ANKRD52: variants seen among roughly 807,000 people sequenced by gnomAD.
The protein encoded by ANKRD52 is ankyrin repeat domain 52, also known as serine/threonine-protein phosphatase 6 regulatory ankyrin repeat subunit C.
ANKRD52 carries 7 observed loss-of-function variants against 116.0 expected under a neutral mutation model. That is an observed-to-expected ratio of 0.06 (90% CI 0.03 to 0.11). The LOEUF is 0.11. ANKRD52 is among the 10% of genes least tolerant of loss of function. The pLI, the probability that ANKRD52 is intolerant of heterozygous loss-of-function variation, is 1.00. For synonymous variants in ANKRD52, 528 were observed against 578.1 expected (o/e 0.91, Z 1.24); for missense variants, 839 against 1,408.6 (o/e 0.60, Z 6.47).
At position 56,247,486 on chromosome 12, in the gene ANKRD52, C is replaced by A; in HGVS notation, c.2184+7G>T. The A allele has an allele frequency of 6.4e-7, 1 of 1,563,470 alleles. No homozygotes were observed. The highest frequency in any genetic ancestry group is 2.4e-5 in the East Asian group (1 of 42,294). On this transcript the variant is annotated splice_region_variant and intron_variant, in intron 20 of 27. Coordinates refer to ENST00000267116, the MANE Select transcript of ANKRD52 (RefSeq NM_173595.4). ...GTGCAAACAATCCCCCCTAGAAGCT[C>A]ACTCACCCCGCGGTGGAGGGCAGTG...
At chr12:56,257,207 A>G (rs1565613339) in intron 3 of ANKRD52, 76 bp downstream of exon 3, 9 of 1,540,546 alleles carry the variant, frequency 5.8e-6, no homozygotes, top group Non-Finnish European at 7.9e-6. Flanking sequence ...GGGGAGAGCA[A>G]TCCTTGAATA....
In ANKRD52 at chr12:56,252,160, G is replaced by A; in HGVS notation, c.1511+15C>T. The A allele has an allele frequency of 6.2e-7, 1 of 1,614,002 alleles. No homozygotes were observed. The highest frequency in any genetic ancestry group is 8.5e-7 in the Non-Finnish European group (1 of 1,179,872). ...AGGTGAATGGGGCTGAGAAGGACCA[G>A]ACTGGTAGCCTCACCTCCTGTAAGT... On this transcript the variant is annotated intron_variant, in intron 14 of 27. Coordinates refer to ENST00000267116, the MANE Select transcript of ANKRD52 (RefSeq NM_173595.4). The surrounding 1 kb of genome is among the most constrained non-coding windows in gnomAD (Gnocchi z 4.7).
In ANKRD52 at chr12:56,257,322, C is replaced by T. The variant is rs780784772; in HGVS notation, c.151G>A (p.Val51Ile). Reference sequence around the variant, plus strand: ...AACTGGAGGATGGGGACATCGCCTACGTAGGCAGCAGCATGCAATGGAGTT... The same window carrying T: ...AACTGGAGGATGGGGACATCGCCTATGTAGGCAGCAGCATGCAATGGAGTT... Reference protein sequence around the residue: ...RRTPLHAAAYVGDVPILQLLL... With the variant: ...RRTPLHAAAYIGDVPILQLLL... The change falls in exon 3 of 28, where the codon GTA (valine) becomes ATA (isoleucine). Residue 51 changes from valine to isoleucine, a missense_variant. By Grantham distance (29) the Val-to-Ile change is conservative (BLOSUM62 3). Transcript: ENST00000267116. 5 of 1,597,604 alleles carry T rather than the reference C, an allele frequency of 3.1e-6. No homozygotes were observed. The African/African-American group carries it at 4.0e-5, about 13-fold the overall frequency.
rs542003329 is a variant in ANKRD52 at position 56,255,751 on chromosome 12, C to T, written c.462+33G>A. On this transcript the variant is annotated intron_variant, in intron 5 of 27. Transcript: ENST00000267116. The surrounding 1 kb of genome is among the most constrained non-coding windows in gnomAD (Gnocchi z 4.3). Reference sequence around the variant, plus strand: ...AGTAGGAAGGTAAGAAAAGGGAAAGCCCCAGCTGGGCCTGGATGGGAACAG... The same window carrying T: ...AGTAGGAAGGTAAGAAAAGGGAAAGTCCCAGCTGGGCCTGGATGGGAACAG... The T allele has an allele frequency of 3.3e-6, 5 of 1,526,178 alleles. No individual in the cohort carries two copies. In the East Asian group the frequency reaches 1.2e-4, roughly 38 times the overall value. 94.5% of individuals were successfully genotyped at this position (1,526,178 alleles called of 1,614,324 possible).
At chr12:56,251,637 C>T (rs925181777) in intron 15 of ANKRD52, among the ~76,000 whole-genome samples, 1 of 149,374 alleles carries the variant, frequency 6.7e-6, no homozygotes, top group East Asian at 2.0e-4. Context: ...TTATTTTGTA[C>T]ATTTAGCTTT....
rs921979337 is a variant in ANKRD52, at chr12:56,241,410, C to A, written c.*1732G>T. ...TTGGGGAGGGAGGGGGTCCCTGGGA[C>A]GCCCCCCTCCCCTCAGCCCACCCTT... On this transcript the variant is annotated 3_prime_UTR_variant, in exon 28 of 28. Coordinates refer to ENST00000267116, the MANE Select transcript of ANKRD52 (RefSeq NM_173595.4). The A allele has an allele frequency of 2.0e-5, 3 of 151,780 alleles. No individual in the cohort carries two copies. Among genetic ancestry groups the A allele is most frequent in the Non-Finnish European group, 4.4e-5 (3 of 67,894 alleles). 9.4% of individuals were successfully genotyped at this position (151,780 alleles called of 1,614,324 possible).
At chr12:56,256,497 C>G (rs1372134815) in intron 4 of ANKRD52, among the ~76,000 whole-genome samples, 1 of 152,194 alleles carries the variant, frequency 6.6e-6, no homozygotes, top group African/African-American at 2.4e-5. Flanking sequence ...TCCCACTGGC[C>G]TCGGCCCCTC....
At position 56,237,959 on chromosome 12, in the gene ANKRD52, G is replaced by A. The variant is rs1870992353; in HGVS notation, c.*5183C>T. On this transcript the variant is annotated 3_prime_UTR_variant, in exon 28 of 28. Coordinates refer to ENST00000267116, the MANE Select transcript of ANKRD52 (RefSeq NM_173595.4). ...GTGAGTAGGGGCCTGGAGGGTGCAG[G>A]GTCATTAATCTGCGGGGAGAACATT... is the stretch of plus-strand genomic sequence containing the variant. 2.2e-6 allele frequency: 1 copy of A among 456,590 alleles called. No homozygotes were observed. Among genetic ancestry groups the A allele is most frequent in the East Asian group, 3.6e-5 (1 of 27,778 alleles). 28.3% of individuals were successfully genotyped at this position (456,590 alleles called of 1,614,324 possible).
Position 56,237,885 on chromosome 12 carries a change from T to C in ANKRD52, c.*5257A>G, listed in dbSNP as rs901196688. 2.9e-5 allele frequency: 29 copies of C among 999,148 alleles called. No homozygotes were observed. The African/African-American group carries it at 3.0e-4, about 10-fold the overall frequency. 61.9% of individuals were successfully genotyped at this position (999,148 alleles called of 1,614,324 possible). A position where few individuals can be genotyped will look rare whatever the true frequency, so the allele number is the denominator to read the frequency against. On this transcript the variant is annotated 3_prime_UTR_variant, in exon 28 of 28. Transcript: ENST00000267116. ...CAGTTGTACTTGCACCAAAACAGCA[T>C]AGAAAACCAGAGTGTGGTGGGAGGA...
rs1871842715 is a variant in ANKRD52, at chr12:56,254,326, T to G, written c.694-47A>C. 1 of 1,581,840 alleles carries G rather than the reference T, an allele frequency of 6.3e-7. No homozygotes were observed. The highest frequency in any genetic ancestry group is 1.7e-5 in the Admixed American group (1 of 59,700). ...TAAGGTGGTATCAGTTTAAACAAAGTAGAAGCCAGCACATGTAGCCTCCAG... is the reference window on the plus strand; with the variant it reads ...TAAGGTGGTATCAGTTTAAACAAAGGAGAAGCCAGCACATGTAGCCTCCAG... On this transcript the variant is annotated intron_variant, in intron 7 of 27. Coordinates refer to ENST00000267116, the MANE Select transcript of ANKRD52 (RefSeq NM_173595.4). This position sits in a 1 kb window ranked among gnomAD's most constrained non-coding sequence, Gnocchi z 4.6.
rs754652548 is a variant in ANKRD52 at position 56,244,989 on chromosome 12, C to T, written c.2493G>A (p.Val831=). Residue 831 remains valine (V), a splice_region_variant and synonymous_variant, in exon 23 of 28, where the codon GTG becomes GTA. Transcript: ENST00000267116. The surrounding 1 kb of genome is among the most constrained non-coding windows in gnomAD (Gnocchi z 4.9). ...GNPFTPLHCA[V]INNQDSTTEM... The stretch of plus-strand genomic sequence containing the variant: ...CTGTGGTGCTGTCTTGGTTATTAAT[C>T]CTAGAGGAAGAGGGAGGAGGGGTCA... 1 of 1,613,774 alleles carries T rather than the reference C, an allele frequency of 6.2e-7. No individual in the cohort carries two copies. Among genetic ancestry groups the T allele is most frequent in the South Asian group, 1.1e-5 (1 of 91,056 alleles).
chr12:56,248,271 G>C lies in ANKRD52; in HGVS notation c.1777-47C>G. ...GTGCACACAGCTCGGGACCTTCCCT[G>C]CTCCTCCCTTCCCCTTCTCTGCTCT... is the stretch of plus-strand genomic sequence containing the variant. On this transcript the variant is annotated intron_variant, in intron 17 of 27. Transcript: ENST00000267116. The surrounding 1 kb of genome is among the most constrained non-coding windows in gnomAD (Gnocchi z 5.1). 6.9e-6 allele frequency: 11 copies of C among 1,596,120 alleles called. No homozygotes were observed. Among genetic ancestry groups the C allele is most frequent in the Non-Finnish European group, 9.4e-6 (11 of 1,166,846 alleles).
Position 56,255,053 on chromosome 12 carries a change from A to G in ANKRD52, c.463-101T>C. 1 of 1,264,974 alleles carries G rather than the reference A, an allele frequency of 7.9e-7. No individual in the cohort carries two copies. Among genetic ancestry groups the G allele is most frequent in the Non-Finnish European group, 1.1e-6 (1 of 886,982 alleles). 78.4% of individuals were successfully genotyped at this position (1,264,974 alleles called of 1,614,324 possible). On this transcript the variant is annotated intron_variant, in intron 5 of 27. Coordinates refer to ENST00000267116, the MANE Select transcript of ANKRD52 (RefSeq NM_173595.4). The surrounding 1 kb of genome is among the most constrained non-coding windows in gnomAD (Gnocchi z 4.3). Reference sequence around the variant, plus strand: ...CTCCTGAAAAGGCTGAGGCAGCCTAATGCCTTTTTCCATGAGCAAAACAAC... The same window carrying G: ...CTCCTGAAAAGGCTGAGGCAGCCTAGTGCCTTTTTCCATGAGCAAAACAAC...
At chr12:56,257,185 C>T in intron 3 of ANKRD52, 98 bp downstream of exon 3, 3 of 1,550,116 alleles carry the variant, frequency 1.9e-6, no homozygotes, top group Admixed American at 1.9e-5. Context: ...GGAGCCTCGC[C>T]TGGACCAAGC....
At position 56,248,743 on chromosome 12, in the gene ANKRD52, G is replaced by A. The variant is rs190780813; in HGVS notation, c.1704+16C>T. The A allele has an allele frequency of 1.8e-4, 282 of 1,592,142 alleles. 1 individual carries two copies. The highest frequency in any genetic ancestry group is 6.8e-4 in the Admixed American group (39 of 57,576). On this transcript the variant is annotated intron_variant, in intron 16 of 27. Coordinates refer to ENST00000267116, the MANE Select transcript of ANKRD52 (RefSeq NM_173595.4). The surrounding 1 kb of genome is among the most constrained non-coding windows in gnomAD (Gnocchi z 5.1). The stretch of plus-strand genomic sequence containing the variant: ...GCCCCTGCCTCCCCTCCTGCAGGCC[G>A]GGCCCCAACACATACCAGTTCGAGG...
At chr12:56,245,623 G>A (rs1871361767) in intron 20 of ANKRD52, 27 bp from the exon 21 acceptor site, 1 of 1,594,306 alleles carries the variant, frequency 6.3e-7, no homozygotes, top group South Asian at 1.1e-5. Context: ...GGTGTGAGGG[G>A]GATGAAAAGC....
chr12:56,247,948 C>A, intron 18 of ANKRD52, 75 bp downstream of exon 18: 1 of 1,473,134 alleles, frequency 6.8e-7, no homozygotes, highest in Non-Finnish European at 9.2e-7. Context: ...CCCTACTCCA[C>A]TTTCCAGCCC....
chr12:56,255,010 T>C lies in ANKRD52; in HGVS notation c.463-58A>G, dbSNP rs1871880682. ...GCTAGATTCGTGCCCTCAACCTACC[T>C]AAGAGCAGAGGCCTCATCTCCTGAA... is the stretch of plus-strand genomic sequence containing the variant. On this transcript the variant is annotated intron_variant, in intron 5 of 27. Transcript: ENST00000267116. This position sits in a 1 kb window ranked among gnomAD's most constrained non-coding sequence, Gnocchi z 4.3. The C allele has an allele frequency of 1.3e-6, 2 of 1,559,098 alleles. No homozygotes were observed.
Position 56,247,756 on chromosome 12 carries a change from T to C in ANKRD52, c.1997A>G (p.Asp666Gly). 1 of 1,611,950 alleles carries C rather than the reference T, an allele frequency of 6.2e-7. No individual in the cohort carries two copies. The highest frequency in any genetic ancestry group is 8.5e-7 in the Non-Finnish European group (1 of 1,179,122). ...LHAAAASGHT[D>G]SLHLLIDSGE... Reference sequence around the variant, plus strand: ...ACTGTCGATCAGCAAGTGCAGGGAGTCAGTGTGGCCAGAGGCAGCTAGGGG... The same window carrying C: ...ACTGTCGATCAGCAAGTGCAGGGAGCCAGTGTGGCCAGAGGCAGCTAGGGG... Residue 666 changes from aspartate to glycine, a missense_variant, in exon 19 of 28, where the codon GAC becomes GGC. Asp to Gly is a moderately conservative substitution (Grantham distance 94). Around this residue, in one of 2 missense-constraint regions of ANKRD52, gnomAD observed 552 missense variants for 810.6 expected, o/e 0.68. Transcript: ENST00000267116.
Sources: allele counts gnomAD v4.1 joint callset (sites outside exome capture counted in the v4.1 genomes callset), GRCh38; gene constraint gnomAD v4.1.1; regional missense constraint gnomAD v4.1.1; non-coding constraint Gnocchi (gnomAD v3.1); transcripts MANE v1.5; gene names NCBI Gene and HGNC (gene_info 2026-07-23, HGNC 2026-07-21).